The following LY96 variants were observed in gnomAD, a reference collection of about 807,000 sequenced individuals.
LY96 encodes myeloid differentiation protein-2.
LY96 carries 18 observed loss-of-function variants against 18.9 expected under a neutral mutation model. The observed-to-expected ratio is 0.95, with a 90% confidence interval of 0.66 to 1.41. The LOEUF (loss-of-function observed/expected upper bound fraction) is 1.41. Ranked by LOEUF, LY96 falls within the 40% of genes most tolerant of loss-of-function variation. LY96 has a pLI of 0.00. For missense variants in LY96, 175 were observed against 182.4 expected, an observed-to-expected ratio of 0.96 and a Z score of 0.23; for synonymous variants, 66 against 62.6, an observed-to-expected ratio of 1.06 and a Z score of -0.26.
chr8:74,061,983 T>A, the LY96 span, among the ~76,000 whole-genome samples: 1 of 152,214 alleles, frequency 6.6e-6, no homozygotes, highest in Non-Finnish European at 1.5e-5. Context: ...CAATCAGACA[T>A]GTACTTTTTG....
At chr8:74,001,470 C>T (rs1042728948) in intron 1 of LY96, among the ~76,000 whole-genome samples, 3 of 152,044 alleles carry the variant, frequency 2.0e-5, no homozygotes, top group African/African-American at 4.8e-5. Context: ...CTCAAACCAT[C>T]GGTCCACCTT....
At chr8:74,071,565 C>A in the LY96 span, among the ~76,000 whole-genome samples, 2 of 152,152 alleles carry the variant, frequency 1.3e-5, no homozygotes, top group Admixed American at 1.3e-4. Context: ...CTGTGAACCA[C>A]TTCTCCACCC....
intron 3 of LY96, among the ~76,000 whole-genome samples, chr8:74,019,470 C>T (rs147251489): frequency 0.022 from 3,334 of 152,232 alleles, 127 homozygotes; most frequent in African/African-American, 0.074. Flanking sequence ...GACAGATTCA[C>T]AGCCAAATTC....
the LY96 span, among the ~76,000 whole-genome samples, chr8:74,042,473 G>A: frequency 7.2e-5 from 11 of 151,978 alleles, no homozygotes; most frequent in South Asian, 2.1e-4. Context: ...GTGAGCAACC[G>A]AGATCGTTCA....
chr8:74,058,497 C>CCTAT, the LY96 span, among the ~76,000 whole-genome samples: 4 of 151,802 alleles, frequency 2.6e-5, no homozygotes, highest in African/African-American at 9.7e-5. Context: ...CATATCTACA[C>CCTAT]CTATCTATCT....
At chr8:74,050,595 A>G in the LY96 span, among the ~76,000 whole-genome samples, 1 of 152,138 alleles carries the variant, frequency 6.6e-6, no homozygotes, top group Non-Finnish European at 1.5e-5. Flanking sequence ...TGAGCTTTCA[A>G]TTTTATTATT....
the LY96 span, among the ~76,000 whole-genome samples, chr8:74,034,711 A>T: frequency 6.6e-6 from 1 of 152,208 alleles, no homozygotes; most frequent in Non-Finnish European, 1.5e-5. Context: ...ATTTGGCATC[A>T]CACTGGGTCC....
chr8:74,022,108 G>A (rs529449401), intron 3 of LY96, among the ~76,000 whole-genome samples: 40 of 152,068 alleles, frequency 2.6e-4, no homozygotes, highest in Admixed American at 2.4e-3. Flanking sequence ...GAAGGTATGA[G>A]CAAGATATGA....
chr8:74,075,595 C>A, the LY96 span, among the ~76,000 whole-genome samples: 7 of 152,070 alleles, frequency 4.6e-5, no homozygotes, highest in African/African-American at 1.7e-4. Context: ...TTGGTGACAC[C>A]AGCAACTTAA....
chr8:74,035,252 C>G, the LY96 span, among the ~76,000 whole-genome samples: 2 of 151,862 alleles, frequency 1.3e-5, no homozygotes, highest in Non-Finnish European at 2.9e-5. Context: ...GAATGCCTGT[C>G]CACGTCCATT....
intron 1 of LY96, 85 bp downstream of exon 1, chr8:73,991,639 G>C: frequency 1.2e-6 from 1 of 826,302 alleles, no homozygotes. Context: ...GTTGTGGCTG[G>C]AACACACGAA....
At chr8:74,013,637 G>A (rs929951637) in intron 3 of LY96, among the ~76,000 whole-genome samples, 14 of 152,228 alleles carry the variant, frequency 9.2e-5, no homozygotes, top group African/African-American at 3.1e-4. Context: ...GCCCAGGCTG[G>A]TCAGACAAGC....
At chr8:74,036,785 C>A in the LY96 span, among the ~76,000 whole-genome samples, 1 of 152,178 alleles carries the variant, frequency 6.6e-6, no homozygotes, top group Non-Finnish European at 1.5e-5. Context: ...ACCCATCAGG[C>A]AATTGATTAC....
chr8:73,997,438 G>C (rs918394616), intron 1 of LY96, among the ~76,000 whole-genome samples: 2 of 152,124 alleles, frequency 1.3e-5, no homozygotes, highest in Non-Finnish European at 2.9e-5. Flanking sequence ...TCTTGACACA[G>C]AGGCCAGAGA....
chr8:74,052,648 C>T, the LY96 span: 1 of 152,258 alleles, frequency 6.6e-6, no homozygotes, highest in Non-Finnish European at 1.5e-5. Flanking sequence ...TGTTGGTAAG[C>T]TGGTGGCAGG....
chr8:74,047,174 C>G, the LY96 span, among the ~76,000 whole-genome samples: 2 of 152,178 alleles, frequency 1.3e-5, no homozygotes, highest in Admixed American at 1.3e-4. Flanking sequence ...AGGCGTGAGC[C>G]ACAGCGCCCG....
At chr8:74,077,643 T>C in the LY96 span, among the ~76,000 whole-genome samples, 3 of 151,704 alleles carry the variant, frequency 2.0e-5, no homozygotes, top group African/African-American at 7.3e-5. Flanking sequence ...TATTTGGAAA[T>C]TCAAAACATA....
chr8:74,002,093 T>TTCTTTCTTTCTCTCTCTCTC (rs1563710943), intron 1 of LY96, among the ~76,000 whole-genome samples: 1 of 38,700 alleles, frequency 2.6e-5, no homozygotes, highest in African/African-American at 1.6e-4. Context: ...CTTTCTTTCT[T>TTCTTTCTTTCTCTCTCTCTC]TCTCTCTCTC....
chr8:74,050,253 G>A, the LY96 span, among the ~76,000 whole-genome samples: 1 of 151,952 alleles, frequency 6.6e-6, no homozygotes, highest in Non-Finnish European at 1.5e-5. Flanking sequence ...TGAGGCACGA[G>A]AATTACTTGA....
Sources: gnomAD v4.1 joint callset for allele counts (sites outside exome capture counted in the v4.1 genomes callset) on GRCh38, gnomAD v4.1.1 for gene constraint, MANE v1.5 for transcripts, NCBI Gene and HGNC (gene_info 2026-07-23, HGNC 2026-07-21) for gene names.